KLKB1: variants seen among roughly 807,000 people sequenced by gnomAD.
The protein encoded by KLKB1 is kallikrein B1.
KLKB1 carries 58 observed loss-of-function variants against 73.6 expected under a neutral mutation model. The observed-to-expected ratio is 0.79, with a 90% CI of 0.64 to 0.98. The LOEUF is 0.98. Among genes scored for constraint, KLKB1 ranks in the 50% least tolerant of loss-of-function variants. The probability of loss-of-function intolerance (pLI) is 0.00; values close to 1 mark genes in which losing one functional copy is unlikely to be tolerated. For missense variants in KLKB1, 737 were observed against 763.8 expected, an observed-to-expected ratio of 0.96 and a Z score of 0.41; for synonymous variants, 280 against 258.1, an observed-to-expected ratio of 1.08 and a Z score of -0.81.
intron 5 of KLKB1, among the ~76,000 whole-genome samples, chr4:186,237,649 T>C (rs2126640362): frequency 6.6e-6 from 1 of 152,318 alleles, no homozygotes; most frequent in Middle Eastern, 3.4e-3. Flanking sequence ...CTTGTGATTT[T>C]TTTCCTTATT....
intron 7 of KLKB1, 179 bp from the exon 8 acceptor site, chr4:186,251,040 A>T: frequency 1.7e-6 from 1 of 584,400 alleles, no homozygotes; most frequent in Admixed American, 3.3e-5. Flanking sequence ...AGGTGGCTTG[A>T]TTTACATTTA....
rs370107454 is a variant in KLKB1, at chr4:186,251,581, T to C, written c.963T>C (p.Thr321=). The part of the protein sequence containing the change: ...FVKGVNVCQE[T]CTKMIRCQFF... ...AAGGAGTGAATGTTTGCCAAGAGAC[T>C]TGCACAAAGATGATTCGCTGTCAGT... Residue 321 remains threonine, a synonymous_variant, in exon 9 of 15, where the codon ACT becomes ACC. Coordinates refer to ENST00000264690, the MANE Select transcript of KLKB1 (RefSeq NM_000892.5). The C allele has an allele frequency of 3.7e-6, 6 of 1,613,992 alleles. No individual in the cohort carries two copies. In the African/African-American group the frequency reaches 8.0e-5, roughly 22 times the overall value.
intron 2 of KLKB1, chr4:186,210,867 T>C: frequency 2.0e-6 from 1 of 490,412 alleles, no homozygotes; most frequent in South Asian, 2.1e-5. Flanking sequence ...CGTGTCTCAC[T>C]CTGTCGCCCA....
At chr4:186,232,687 A>C (rs573277982) in intron 3 of KLKB1, among the ~76,000 whole-genome samples, 1 of 152,350 alleles carries the variant, frequency 6.6e-6, no homozygotes, top group African/African-American at 2.4e-5. Context: ...CGGATAGCAC[A>C]GTCCAAAGAA....
upstream of KLKB1, among the ~76,000 whole-genome samples, chr4:186,225,532 C>T (rs527802899): frequency 1.3e-4 from 19 of 148,098 alleles, no homozygotes; most frequent in South Asian, 3.2e-3. Context: ...CCTGGGTTCA[C>T]ACCATTTTCC....
chr4:186,231,725 C>T (rs942420341), intron 2 of KLKB1, among the ~76,000 whole-genome samples: 1 of 152,196 alleles, frequency 6.6e-6, no homozygotes, highest in Admixed American at 6.5e-5. Context: ...TCTAATTTCC[C>T]TTACAGAATT....
upstream of KLKB1, among the ~76,000 whole-genome samples, chr4:186,222,413 T>A (rs993409114): frequency 6.6e-6 from 1 of 152,210 alleles, no homozygotes; most frequent in Non-Finnish European, 1.5e-5. Context: ...TTTCTCTTTA[T>A]GTTTTGTATA....
intron 6 of KLKB1, 68 bp from the exon 7 acceptor site, chr4:186,250,175 G>T: frequency 7.0e-7 from 1 of 1,422,134 alleles, no homozygotes; most frequent in South Asian, 1.2e-5. Flanking sequence ...TAACTATGGT[G>T]ACAAAATACA....
intron 2 of KLKB1, chr4:186,212,026 T>C (rs980355042): frequency 1.3e-5 from 2 of 152,190 alleles, no homozygotes; most frequent in East Asian, 1.9e-4. Flanking sequence ...AGAAGGACTT[T>C]AGAACTTATC....
chr4:186,236,418 TA>T (rs1737695580), intron 4 of KLKB1, among the ~76,000 whole-genome samples: 1 of 152,230 alleles, frequency 6.6e-6, no homozygotes, highest in African/African-American at 2.4e-5. Flanking sequence ...GTTTCTTTAA[TA>T]ATGCAAACCT....
At chr4:186,253,397 T>C (rs989095716) in intron 11 of KLKB1, among the ~76,000 whole-genome samples, 1 of 152,186 alleles carries the variant, frequency 6.6e-6, no homozygotes, top group Non-Finnish European at 1.5e-5. Flanking sequence ...CCCTCCACCT[T>C]GTCATCGTGT....
Position 186,250,392 on chromosome 4 carries a change from GA to G in KLKB1, c.749del (p.Glu250GlyfsTer33). On this transcript the variant is annotated frameshift_variant, in exon 7 of 15. Coordinates refer to ENST00000264690, the MANE Select transcript of KLKB1 (RefSeq NM_000892.5). LOFTEE classifies it high-confidence loss of function. Reference sequence around the variant, plus strand: ...ATTCTATACAAATGTATGGAAAATCGAGTCACAAAGGCGAGTATGCATGGAA... The same window carrying G: ...ATTCTATACAAATGTATGGAAAATCGGTCACAAAGGCGAGTATGCATGGAA... ...FTFYTNVWKI[E>X]SQRNVCLLKT... The G allele has an allele frequency of 1.2e-6, 2 of 1,614,072 alleles. No individual in the cohort carries two copies. The highest frequency in any genetic ancestry group is 1.7e-6 in the Non-Finnish European group (2 of 1,179,982).
At position 186,257,744 on chromosome 4, in the gene KLKB1, AGTGTGTGT is replaced by A. The variant is rs67371055; in HGVS notation, c.1726-248_1726-241del. Reference sequence around the variant, plus strand: ...ACTTGGAGAACTTTAAGAAAGAGTGAGTGTGTGTGTGTGTGTGTGTGTGTGTGTGTGTG... The same window carrying A: ...ACTTGGAGAACTTTAAGAAAGAGTGAGTGTGTGTGTGTGTGTGTGTGTGTG... On this transcript the variant is annotated intron_variant, in intron 14 of 14. Coordinates refer to ENST00000264690, the MANE Select transcript of KLKB1 (RefSeq NM_000892.5). Among the ~76,000 whole-genome samples, 88 of 147,208 alleles carry A rather than the reference AGTGTGTGT, an allele frequency of 6.0e-4. 1 individual carries two copies. Among genetic ancestry groups the A allele is most frequent in the Admixed American group, 1.8e-3 (26 of 14,772 alleles).
chr4:186,227,476 CA>C (rs1737205586), upstream of KLKB1: 1 of 152,144 alleles, frequency 6.6e-6, no homozygotes, highest in Non-Finnish European at 1.5e-5. Context: ...AACCCAAAGT[CA>C]ATATTGAAGC....
rs1265842321 is a variant in KLKB1, at chr4:186,258,008, C to A, written c.1726-13C>A. On this transcript the variant is annotated splice_polypyrimidine_tract_variant and intron_variant, in intron 14 of 14. Transcript: ENST00000264690. ...GTAACTTTCTACTATTTTATTTTTC[C>A]ACTGTGACTCAGGGAGATTCAGGTG... 6.2e-7 allele frequency: 1 copy of A among 1,612,860 alleles called. No homozygotes were observed. The highest frequency in any genetic ancestry group is 1.3e-5 in the African/African-American group (1 of 74,852).
Position 186,239,918 on chromosome 4 carries a change from A to T in KLKB1, c.598+1553A>T, listed in dbSNP as rs563342621. 2.6e-3 allele frequency among the ~76,000 whole-genome samples: 384 copies of T among 148,660 alleles called. 25 individuals carry two copies. Among genetic ancestry groups the T allele is most frequent in the African/African-American group, 8.8e-3 (357 of 40,392 alleles). The stretch of plus-strand genomic sequence containing the variant: ...CGGTGATACTGTTATAGTTATAGGT[A>T]CAGTGATATTGTTATAGTTATAGGA... On this transcript the variant is annotated intron_variant, in intron 6 of 14. Transcript: ENST00000264690.
At chr4:186,216,271 A>G (rs1219313509) in intron 2 of KLKB1, among the ~76,000 whole-genome samples, 2 of 152,194 alleles carry the variant, frequency 1.3e-5, no homozygotes, top group Non-Finnish European at 2.9e-5. Flanking sequence ...TCTTTCATTC[A>G]TAAAAGTCTG....
At chr4:186,225,693 C>T (rs921711348), upstream of KLKB1, among the ~76,000 whole-genome samples, 2 of 152,060 alleles carry the variant, frequency 1.3e-5, no homozygotes, top group African/African-American at 4.8e-5. Flanking sequence ...CTTGGCCTCC[C>T]AAAGTGCTGG....
At chr4:186,231,582 G>A (rs1737400449) in intron 2 of KLKB1, among the ~76,000 whole-genome samples, 1 of 152,250 alleles carries the variant, frequency 6.6e-6, no homozygotes, top group Non-Finnish European at 1.5e-5. Flanking sequence ...ACAGGATTGG[G>A]AGTCAGGGCT....
Sources: gnomAD v4.1 joint callset for allele counts (sites outside exome capture counted in the v4.1 genomes callset) on GRCh38, gnomAD v4.1.1 for gene constraint, MANE v1.5 for transcripts, NCBI Gene and HGNC (gene_info 2026-07-23, HGNC 2026-07-21) for gene names.